The following STARD13 variants were observed in gnomAD, a reference collection of about 807,000 sequenced individuals.
STARD13 encodes stAR-related lipid transfer protein 13.
In STARD13, 62 loss-of-function variants were observed where a neutral mutation model predicts 106.4. The observed-to-expected ratio is 0.58, with a 90% CI of 0.48 to 0.72. The LOEUF is 0.72. Among genes scored for constraint, STARD13 ranks in the 30% least tolerant of loss-of-function variants. The pLI, the probability that STARD13 is intolerant of heterozygous loss-of-function variation, is 0.00. For missense variants in STARD13, 1,387 were observed against 1,424.0 expected (o/e 0.97, Z 0.42); for synonymous variants, 565 against 553.0 (o/e 1.02, Z -0.31).
At chr13:33,205,803 T>C (rs750561305) in intron 1 of STARD13, 5 of 971,280 alleles carry the variant, frequency 5.1e-6, no homozygotes, top group Non-Finnish European at 6.1e-6. Context: ...TCTTTTTCTA[T>C]GGAACACAAA....
chr13:33,600,621 T>C, the STARD13 span, among the ~76,000 whole-genome samples: 1 of 152,340 alleles, frequency 6.6e-6, no homozygotes, highest in East Asian at 1.9e-4. Flanking sequence ...TGTTAATATT[T>C]CTGCAGGTTT....
At chr13:33,390,353 C>T in the STARD13 span, among the ~76,000 whole-genome samples, 3 of 152,162 alleles carry the variant, frequency 2.0e-5, no homozygotes, top group East Asian at 5.8e-4. Flanking sequence ...ATATGTTTAC[C>T]ATCAACCTGG....
chr13:33,186,059 T>C (rs1885739872), intron 1 of STARD13: 7 of 1,612,126 alleles, frequency 4.3e-6, no homozygotes, highest in Non-Finnish European at 5.1e-6. Flanking sequence ...GAGCAGATGA[T>C]AGTCCTCTCT....
the STARD13 span, among the ~76,000 whole-genome samples, chr13:33,652,969 A>G: frequency 1.3e-5 from 2 of 152,206 alleles, no homozygotes; most frequent in African/African-American, 4.8e-5. Flanking sequence ...TTTAACAAAA[A>G]TAGTGCCAGA....
chr13:33,112,678 G>A (rs767210757), intron 9 of STARD13, 43 bp downstream of exon 9: 1 of 1,468,728 alleles, frequency 6.8e-7, no homozygotes, highest in South Asian at 1.3e-5. Context: ...CTGTGGGAAT[G>A]CCTGCTTTGG....
chr13:33,504,522 G>T, the STARD13 span, among the ~76,000 whole-genome samples: 1 of 149,720 alleles, frequency 6.7e-6, no homozygotes, highest in African/African-American at 2.4e-5. Context: ...ATCAAAGACC[G>T]CATGTTCTCA....
chr13:33,292,435 A>G (rs1170150043), intron 1 of STARD13, among the ~76,000 whole-genome samples: 1 of 151,822 alleles, frequency 6.6e-6, no homozygotes, highest in Non-Finnish European at 1.5e-5. Flanking sequence ...TACAAAAAAA[A>G]AAAAAAATTA....
At chr13:33,552,275 A>C in the STARD13 span, among the ~76,000 whole-genome samples, 8 of 152,200 alleles carry the variant, frequency 5.3e-5, no homozygotes, top group African/African-American at 1.9e-4. Context: ...ACACTTACAC[A>C]ACACGATCAG....
chr13:33,185,893 T>C (rs978582478), intron 1 of STARD13: 1 of 1,614,234 alleles, frequency 6.2e-7, no homozygotes, highest in Non-Finnish European at 8.5e-7. Context: ...CGCTGGAATG[T>C]GTGGTTCACT....
intron 5 of STARD13, among the ~76,000 whole-genome samples, chr13:33,127,829 G>A: frequency 2.0e-5 from 2 of 102,398 alleles, no homozygotes; most frequent in East Asian, 5.8e-4. Context: ...TTCCCAAAGT[G>A]TTGAGAGCAA....
At chr13:33,440,767 ATTTTTT>A in the STARD13 span, among the ~76,000 whole-genome samples, 3 of 60,118 alleles carry the variant, frequency 5.0e-5, no homozygotes, top group East Asian at 1.1e-3. Context: ...GAAAACAGCG[ATTTTTT>A]TTTTTTTTTT....
At chr13:33,663,321 ATATTATGGACAAAAAT>A in the STARD13 span, among the ~76,000 whole-genome samples, 1 of 152,222 alleles carries the variant, frequency 6.6e-6, no homozygotes, top group Non-Finnish European at 1.5e-5. Flanking sequence ...AGATCCAAAA[ATATTATGGACAAAAAT>A]TATTATGGAC....
At chr13:33,448,477 A>G in the STARD13 span, among the ~76,000 whole-genome samples, 1 of 152,090 alleles carries the variant, frequency 6.6e-6, no homozygotes, top group Non-Finnish European at 1.5e-5. Context: ...TTGTGTATAT[A>G]TACTGTATTT....
At chr13:33,546,290 C>G in the STARD13 span, among the ~76,000 whole-genome samples, 1 of 152,098 alleles carries the variant, frequency 6.6e-6, no homozygotes, top group African/African-American at 2.4e-5. Flanking sequence ...AAGCATTTGT[C>G]TAAGAAGAAT....
chr13:33,519,212 CTTTCTTTCTTTCTT>C, the STARD13 span, among the ~76,000 whole-genome samples: 132 of 66,452 alleles, frequency 2.0e-3, 1 homozygote, highest in East Asian at 0.015. Context: ...GTAATTTTTT[CTTTCTTTCTTTCTT>C]TCTTTCTTTC....
chr13:33,294,152 A>G (rs1456181888), intron 1 of STARD13, among the ~76,000 whole-genome samples: 1 of 152,202 alleles, frequency 6.6e-6, no homozygotes, highest in Non-Finnish European at 1.5e-5. Flanking sequence ...TTTTAGTAAT[A>G]TCTACCTTAT....
the STARD13 span, among the ~76,000 whole-genome samples, chr13:33,612,656 AC>A: frequency 6.6e-6 from 1 of 152,224 alleles, no homozygotes. Context: ...TGGCCATCAG[AC>A]AGCCCTGTAT....
At chr13:33,429,121 C>G in the STARD13 span, among the ~76,000 whole-genome samples, 1 of 152,138 alleles carries the variant, frequency 6.6e-6, no homozygotes, top group Non-Finnish European at 1.5e-5. Context: ...TTGGAAGTTT[C>G]TCAAAACACT....
At chr13:33,182,038 C>T (rs1885291159) in intron 1 of STARD13, among the ~76,000 whole-genome samples, 1 of 152,206 alleles carries the variant, frequency 6.6e-6, no homozygotes, top group Non-Finnish European at 1.5e-5. Flanking sequence ...CCAGGACTTT[C>T]AAATATTTTG....
Sources: gnomAD v4.1 joint callset for allele counts (sites outside exome capture counted in the v4.1 genomes callset) on GRCh38, gnomAD v4.1.1 for gene constraint, MANE v1.5 for transcripts, NCBI Gene and HGNC (gene_info 2026-07-23, HGNC 2026-07-21) for gene names.